CSMD1: variants seen among roughly 807,000 people sequenced by gnomAD.
CSMD1 encodes CUB and Sushi multiple domains 1, also known as CUB and sushi domain-containing protein 1.
CSMD1 carries 213 observed loss-of-function variants against 417.5 expected under a neutral mutation model. The observed-to-expected ratio is 0.51, with a 90% confidence interval of 0.46 to 0.57. The LOEUF (loss-of-function observed/expected upper bound fraction) is 0.57, where lower values mean the gene tolerates loss of function less well. CSMD1 is among the 20% of genes least tolerant of loss of function. The pLI, the probability that CSMD1 is intolerant of heterozygous loss-of-function variation, is 0.00. For synonymous variants in CSMD1, 2,862 were observed against 1,736.8 expected, an observed-to-expected ratio of 1.65 and a Z score of -16.11; for missense variants, 6,923 against 4,529.7, an observed-to-expected ratio of 1.53 and a Z score of -15.17.
At chr8:4,563,121 G>T (rs1783515648) in intron 2 of CSMD1, among the ~76,000 whole-genome samples, 1 of 152,146 alleles carries the variant, frequency 6.6e-6, no homozygotes, top group Admixed American at 6.5e-5. Context: ...AAAACAATGG[G>T]CCGGGCACAG....
At chr8:4,884,698 T>C (rs983445923) in intron 1 of CSMD1, among the ~76,000 whole-genome samples, 1 of 152,086 alleles carries the variant, frequency 6.6e-6, no homozygotes, top group African/African-American at 2.4e-5. Context: ...GGGTTTATTT[T>C]TGGACTCTCA....
chr8:3,908,208 G>C (rs995497243), intron 5 of CSMD1, among the ~76,000 whole-genome samples: 35 of 152,150 alleles, frequency 2.3e-4, no homozygotes, highest in African/African-American at 7.9e-4. Flanking sequence ...GCACATAATA[G>C]TCATTATCAA....
intron 1 of CSMD1, among the ~76,000 whole-genome samples, chr8:4,848,728 G>A (rs1351255128): frequency 6.6e-6 from 1 of 152,054 alleles, no homozygotes; most frequent in African/African-American, 2.4e-5. Context: ...TTTTATAGTA[G>A]GGACTGGGTT....
intron 7 of CSMD1, among the ~76,000 whole-genome samples, chr8:3,661,326 A>G (rs1243401587): frequency 6.6e-6 from 1 of 152,152 alleles, no homozygotes; most frequent in Non-Finnish European, 1.5e-5. Flanking sequence ...GGCAAATGCC[A>G]ACCTGCAACC....
intron 3 of CSMD1, among the ~76,000 whole-genome samples, chr8:4,111,216 A>G (rs954592874): frequency 1.3e-5 from 2 of 152,118 alleles, no homozygotes; most frequent in African/African-American, 4.8e-5. Context: ...GTTTGTCATC[A>G]TCTTTTGGTT....
intron 50 of CSMD1, among the ~76,000 whole-genome samples, chr8:3,046,238 G>A (rs952699814): frequency 1.3e-5 from 2 of 152,174 alleles, no homozygotes; most frequent in African/African-American, 2.4e-5. Flanking sequence ...AGGCGCTCAG[G>A]TGGTGACCTG....
intron 10 of CSMD1, among the ~76,000 whole-genome samples, chr8:3,554,425 A>G (rs117632610): frequency 0.03 from 4,571 of 152,190 alleles, 101 homozygotes; most frequent in Non-Finnish European, 0.046. Flanking sequence ...GTCTGGGGAG[A>G]GCCTGGAGCT....
At chr8:3,453,626 G>A (rs952683140) in intron 12 of CSMD1, among the ~76,000 whole-genome samples, 2 of 152,268 alleles carry the variant, frequency 1.3e-5, no homozygotes, top group African/African-American at 2.4e-5. Flanking sequence ...GTAGTTTTGA[G>A]AGACTTTCTT....
At chr8:4,299,095 G>T (rs913229016) in intron 3 of CSMD1, among the ~76,000 whole-genome samples, 1 of 152,038 alleles carries the variant, frequency 6.6e-6, no homozygotes, top group Non-Finnish European at 1.5e-5. Context: ...ATATAAGGAG[G>T]GAAGAAGGTG....
chr8:4,924,521 G>A (rs563902428), intron 1 of CSMD1, among the ~76,000 whole-genome samples: 2 of 151,952 alleles, frequency 1.3e-5, no homozygotes, highest in East Asian at 1.9e-4. Flanking sequence ...TCAGGAGTTC[G>A]AGACCAGCCT....
intron 2 of CSMD1, among the ~76,000 whole-genome samples, chr8:4,430,341 C>T (rs1797804561): frequency 6.6e-6 from 1 of 152,096 alleles, no homozygotes; most frequent in African/African-American, 2.4e-5. Flanking sequence ...AGTTTTCCTT[C>T]CTAAAAGGCT....
chr8:3,352,605 C>A (rs564157107), intron 21 of CSMD1, among the ~76,000 whole-genome samples: 13 of 152,052 alleles, frequency 8.5e-5, no homozygotes, highest in Non-Finnish European at 1.9e-4. Context: ...TTTGGGAGCG[C>A]GAGGCAGGCA....
intron 10 of CSMD1, among the ~76,000 whole-genome samples, chr8:3,536,284 G>A (rs1258736258): frequency 6.6e-6 from 1 of 152,286 alleles, no homozygotes; most frequent in Non-Finnish European, 1.5e-5. Flanking sequence ...ACAGCAACTT[G>A]TACTTAAACT....
intron 25 of CSMD1, among the ~76,000 whole-genome samples, chr8:3,300,958 CAAAAAAAAAA>C (rs374180480): frequency 7.9e-5 from 4 of 50,602 alleles, no homozygotes; most frequent in Non-Finnish European, 1.4e-4. Context: ...GACTCTGTCT[CAAAAAAAAAA>C]AAAAAAAAAA....
intron 1 of CSMD1, among the ~76,000 whole-genome samples, chr8:4,766,516 A>G (rs558569070): frequency 6.6e-6 from 1 of 152,334 alleles, no homozygotes; most frequent in African/African-American, 2.4e-5. Flanking sequence ...AACGACCTAA[A>G]ATTCACTGCA....
rs144401918 is a variant in CSMD1, at chr8:3,321,342, G to A, written c.3632-12839C>T. ...ACCAGGGCTCATGATGCTTTGTGCCGTAGTATTGTCCAGATCCTCCCTGCC... is the reference window on the plus strand; with the variant it reads ...ACCAGGGCTCATGATGCTTTGTGCCATAGTATTGTCCAGATCCTCCCTGCC... On this transcript the variant is annotated intron_variant, in intron 23 of 69. Coordinates refer to ENST00000635120, the MANE Select transcript of CSMD1 (RefSeq NM_033225.6). Among the ~76,000 whole-genome samples, 100 of 152,216 alleles carry A rather than the reference G, an allele frequency of 6.6e-4. No individual in the cohort carries two copies. In the East Asian group the frequency reaches 0.012, roughly 18 times the overall value.
chr8:3,416,137 T>C (rs952649578), intron 12 of CSMD1, among the ~76,000 whole-genome samples: 2 of 148,642 alleles, frequency 1.3e-5, no homozygotes, highest in Admixed American at 6.9e-5. Context: ...CCGTCTCTAC[T>C]AAAAATACAA....
intron 3 of CSMD1, among the ~76,000 whole-genome samples, chr8:4,329,357 C>T (rs1799737475): frequency 6.6e-6 from 1 of 152,212 alleles, no homozygotes; most frequent in East Asian, 1.9e-4. Context: ...GATGCATTCT[C>T]AGCTCACTTT....
At chr8:3,527,697 C>A (rs774611492) in intron 10 of CSMD1, among the ~76,000 whole-genome samples, 2 of 152,076 alleles carry the variant, frequency 1.3e-5, no homozygotes, top group Non-Finnish European at 2.9e-5. Context: ...TGGCTTAGAG[C>A]AATGTGACCC....
Sources: gnomAD v4.1 joint callset for allele counts (sites outside exome capture counted in the v4.1 genomes callset) on GRCh38, gnomAD v4.1.1 for gene constraint, MANE v1.5 for transcripts, NCBI Gene and HGNC (gene_info 2026-07-23, HGNC 2026-07-21) for gene names.